The following C1orf35 variants were observed in gnomAD, a reference collection of about 807,000 sequenced individuals.
C1orf35 encodes the protein chromosome 1 open reading frame 35, also known as multiple myeloma tumor-associated protein 2.
In C1orf35, 36 loss-of-function variants were observed where a neutral mutation model predicts 30.9. The ratio of observed to expected loss-of-function variants is 1.16; its 90% confidence interval spans 0.89 to 1.54. C1orf35 has a LOEUF of 1.54. C1orf35 is among the 40% of genes most tolerant of loss of function. C1orf35 has a pLI of 0.00. For synonymous variants in C1orf35, 179 were observed against 148.2 expected (o/e 1.21, Z -1.51); for missense variants, 396 against 358.7 (o/e 1.10, Z -0.84).
rs763316938 is a variant in C1orf35 at position 228,100,970 on chromosome 1, GCTAGCTGT to G, written c.*153_*160del. On this transcript the variant is annotated 3_prime_UTR_variant, in exon 8 of 8. Transcript: ENST00000272139. ...TTTCCAGGAAGCCGGCTGCTCCAGA[GCTAGCTGT>G]CAAGTCTTTAGCCCCACAGGCTGGT... The G allele has an allele frequency of 1.9e-6, 2 of 1,079,464 alleles. No homozygotes were observed. The highest frequency in any genetic ancestry group is 2.6e-6 in the Non-Finnish European group (2 of 757,874). 66.9% of individuals were successfully genotyped at this position (1,079,464 alleles called of 1,614,324 possible). A position where few individuals can be genotyped will look rare whatever the true frequency, so the allele number is the denominator to read the frequency against.
At position 228,103,239 on chromosome 1, in the gene C1orf35, G is replaced by T; in HGVS notation, c.-12C>A. 6.2e-7 allele frequency: 1 copy of T among 1,608,750 alleles called. No homozygotes were observed. Among genetic ancestry groups the T allele is most frequent in the East Asian group, 2.2e-5 (1 of 44,538 alleles). On this transcript the variant is annotated 5_prime_UTR_variant, in exon 1 of 8. Coordinates refer to ENST00000272139, the MANE Select transcript of C1orf35 (RefSeq NM_024319.4). The stretch of plus-strand genomic sequence containing the variant: ...CTGGAGCCGAACATGGCGCCGGGAA[G>T]GCAGTTGCCTGGGGCCTGCGGCTTG...
chr1:228,101,054 G>T lies in C1orf35; in HGVS notation c.*77C>A, dbSNP rs1420096837. ...GCCTCGGGCTTCACCCACACCCAAG[G>T]AGCTTCCGAGGCAGGAGGCAAGCAA... On this transcript the variant is annotated 3_prime_UTR_variant, in exon 8 of 8. Transcript: ENST00000272139. 6 of 1,587,804 alleles carry T rather than the reference G, an allele frequency of 3.8e-6. No homozygotes were observed. The highest frequency in any genetic ancestry group is 5.1e-6 in the Non-Finnish European group (6 of 1,171,492).
In C1orf35 at chr1:228,101,072, G is replaced by A; in HGVS notation, c.*59C>T. ...ACCCAAGGAGCTTCCGAGGCAGGAG[G>A]CAAGCAAGGTGAAGGGAGGGTTCAG... On this transcript the variant is annotated 3_prime_UTR_variant, in exon 8 of 8. Transcript: ENST00000272139. 4 of 1,599,442 alleles carry A rather than the reference G, an allele frequency of 2.5e-6. No individual in the cohort carries two copies. Among genetic ancestry groups the A allele is most frequent in the Admixed American group, 1.7e-5 (1 of 59,876 alleles).
In C1orf35 at chr1:228,102,934, C is replaced by T. The variant is rs1179294913; in HGVS notation, c.210G>A (p.Val70=). 6.6e-7 allele frequency: 1 copy of T among 1,506,994 alleles called. No homozygotes were observed. The highest frequency in any genetic ancestry group is 1.4e-5 in the African/African-American group (1 of 69,158). 93.4% of individuals were successfully genotyped at this position (1,506,994 alleles called of 1,614,324 possible). The part of the protein sequence containing the change: ...GPSREEELAA[V]REAEREALLA... ...GCAGCGCCTCGCGCTCCGCCTCCCG[C>T]ACGGCTGCCAGTTCCTCCTCGCGGC... Residue 70 remains valine (V), a synonymous_variant, in exon 2 of 8, where the codon GTG becomes GTA. Coordinates refer to ENST00000272139, the MANE Select transcript of C1orf35 (RefSeq NM_024319.4).
chr1:228,101,995 T>C, intron 6 of C1orf35, 85 bp downstream of exon 6: 5 of 1,432,940 alleles, frequency 3.5e-6, no homozygotes, highest in Non-Finnish European at 4.6e-6. Context: ...CAAGAGAAGC[T>C]GCCACCTGCC....
chr1:228,101,645 G>C, intron 6 of C1orf35, 172 bp from the exon 7 acceptor site: 1 of 1,464,336 alleles, frequency 6.8e-7, no homozygotes, highest in Non-Finnish European at 9.0e-7. Context: ...CAGTGGCTAC[G>C]TGGGTTAGAA....
chr1:228,102,472 C>T lies in C1orf35; in HGVS notation c.374+6G>A. The T allele has an allele frequency of 6.4e-7, 1 of 1,560,398 alleles. No individual in the cohort carries two copies. The highest frequency in any genetic ancestry group is 1.9e-5 in the Admixed American group (1 of 52,940). ...GTGCTGCCCTCCCCTGGAAACCCGC[C>T]CGCACCTTGCGCTCCCCAGCCCCAG... On this transcript the variant is annotated splice_donor_region_variant and intron_variant, in intron 4 of 7. Transcript: ENST00000272139.
At chr1:228,101,283 C>G (rs376846512) in intron 7 of C1orf35, 29 bp from the exon 8 acceptor site, 1 of 1,614,096 alleles carries the variant, frequency 6.2e-7, no homozygotes, top group African/African-American at 1.3e-5. Context: ...GTCAGTCACT[C>G]GGAAGGAGTC....
At chr1:228,102,004 C>T in intron 6 of C1orf35, 76 bp downstream of exon 6, 1 of 1,437,838 alleles carries the variant, frequency 7.0e-7, no homozygotes, top group Non-Finnish European at 9.1e-7. Context: ...CTGCCACCTG[C>T]CCGAGTGGGA....
rs997002286 is a variant in C1orf35 at position 228,102,473 on chromosome 1, C to G, written c.374+5G>C. The stretch of plus-strand genomic sequence containing the variant: ...TGCTGCCCTCCCCTGGAAACCCGCC[C>G]GCACCTTGCGCTCCCCAGCCCCAGC... On this transcript the variant is annotated splice_donor_5th_base_variant and intron_variant, in intron 4 of 7. Coordinates refer to ENST00000272139, the MANE Select transcript of C1orf35 (RefSeq NM_024319.4). 6.4e-7 allele frequency: 1 copy of G among 1,559,780 alleles called. No homozygotes were observed. The highest frequency in any genetic ancestry group is 8.6e-7 in the Non-Finnish European group (1 of 1,156,524).
rs538677940 is a variant in C1orf35, at chr1:228,100,900, G to A, written c.*231C>T. 60 of 607,104 alleles carry A rather than the reference G, an allele frequency of 9.9e-5. No individual in the cohort carries two copies. Among genetic ancestry groups the A allele is most frequent in the Non-Finnish European group, 1.4e-4 (49 of 350,688 alleles). 37.6% of individuals were successfully genotyped at this position (607,104 alleles called of 1,614,324 possible). On this transcript the variant is annotated 3_prime_UTR_variant, in exon 8 of 8. Coordinates refer to ENST00000272139, the MANE Select transcript of C1orf35 (RefSeq NM_024319.4). ...GATAAATCTGGGCAGGTTCACCTTC[G>A]CAGGCCAAGCCAGGGGCCATCCCTG...
chr1:228,102,689 C>T lies in C1orf35; in HGVS notation c.246-1G>A, dbSNP rs1478530941. 2.5e-6 allele frequency: 4 copies of T among 1,606,508 alleles called. No individual in the cohort carries two copies. The Admixed American group carries it at 6.7e-5, about 27-fold the overall frequency. ...CTGCTTCTTCACGTTCTTGTAGCCA[C>T]TGCGAGAGGGCCGGGGCAGGCGTCA... is the stretch of plus-strand genomic sequence containing the variant. On this transcript the variant is annotated splice_acceptor_variant, in intron 2 of 7. Coordinates refer to ENST00000272139, the MANE Select transcript of C1orf35 (RefSeq NM_024319.4). LOFTEE classifies it high-confidence loss of function.
In C1orf35 at chr1:228,101,925, A is replaced by G. The variant is rs1420171774; in HGVS notation, c.533+155T>C. On this transcript the variant is annotated intron_variant, in intron 6 of 7. Transcript: ENST00000272139. ...ACCCGAGAAACTCCCCTAGAGAAAA[A>G]CCTAGGAGTAACTGGGACAGGAAGT... 2.1e-6 allele frequency: 3 copies of G among 1,423,464 alleles called. No individual in the cohort carries two copies. The African/African-American group carries it at 4.4e-5, about 21-fold the overall frequency. The allele number at this position is 1,423,464 out of a possible 1,614,324, so 88.2% of individuals were successfully genotyped here.
At position 228,103,016 on chromosome 1, in the gene C1orf35, TGCCAGCGGCCTACCGGC is replaced by T. The variant is rs777824097; in HGVS notation, c.111_127del (p.Pro38GlufsTer137). The T allele has an allele frequency of 8.9e-6, 14 of 1,581,058 alleles. No homozygotes were observed. The highest frequency in any genetic ancestry group is 1.2e-5 in the Non-Finnish European group (14 of 1,166,712). ...GTACCAGGTGAGGTCGCGGCCCTTC[TGCCAGCGGCCTACCGGC>T]GCCATCAGCGAGTTGCCTGCGGACG... is the stretch of plus-strand genomic sequence containing the variant. On this transcript the variant is annotated frameshift_variant, in exon 2 of 8. Transcript: ENST00000272139. LOFTEE classifies it high-confidence loss of function.
rs544295971 is a variant in C1orf35, at chr1:228,102,778, C to A, written c.246-90G>T. The A allele has an allele frequency of 2.4e-5, 36 of 1,469,490 alleles. 1 individual carries two copies. In the Middle Eastern group the frequency reaches 9.9e-4, roughly 40 times the overall value. The allele number at this position is 1,469,490 out of a possible 1,614,324, so 91.0% of individuals were successfully genotyped here. On this transcript the variant is annotated intron_variant, in intron 2 of 7. Transcript: ENST00000272139. ...TCCAGCCTTCGTCCTCAGGGTCCCG[C>A]CCGCGCGAGTCCCCGCAGCCCCGCT... is the stretch of plus-strand genomic sequence containing the variant.
chr1:228,100,895 C>A lies in C1orf35; in HGVS notation c.*236G>T. 1.7e-6 allele frequency: 1 copy of A among 597,262 alleles called. No individual in the cohort carries two copies. The highest frequency in any genetic ancestry group is 2.9e-6 in the Non-Finnish European group (1 of 342,244). The allele number at this position is 597,262 out of a possible 1,614,324, so 37.0% of individuals were successfully genotyped here. A position where few individuals can be genotyped will look rare whatever the true frequency, so the allele number is the denominator to read the frequency against. On this transcript the variant is annotated 3_prime_UTR_variant, in exon 8 of 8. Transcript: ENST00000272139. Reference sequence around the variant, plus strand: ...CTACTGATAAATCTGGGCAGGTTCACCTTCGCAGGCCAAGCCAGGGGCCAT... The same window carrying A: ...CTACTGATAAATCTGGGCAGGTTCAACTTCGCAGGCCAAGCCAGGGGCCAT...
Position 228,103,234 on chromosome 1 carries a change from G to T in C1orf35, c.-7C>A, listed in dbSNP as rs746615017. ...CACGACTGGAGCCGAACATGGCGCCGGGAAGGCAGTTGCCTGGGGCCTGCG... is the reference window on the plus strand; with the variant it reads ...CACGACTGGAGCCGAACATGGCGCCTGGAAGGCAGTTGCCTGGGGCCTGCG... On this transcript the variant is annotated 5_prime_UTR_variant, in exon 1 of 8. Transcript: ENST00000272139. The T allele has an allele frequency of 3.1e-6, 5 of 1,608,866 alleles. No individual in the cohort carries two copies. The highest frequency in any genetic ancestry group is 4.2e-6 in the Non-Finnish European group (5 of 1,178,618).
rs2032940636 is a variant in C1orf35 at position 228,101,353 on chromosome 1, G to A, written c.654C>T (p.Pro218=). 2 of 1,614,132 alleles carry A rather than the reference G, an allele frequency of 1.2e-6. No homozygotes were observed. The highest frequency in any genetic ancestry group is 1.1e-5 in the South Asian group (1 of 91,084). ...HRRPAEATSS[P]TSPERPRHHH... ...CCAGGGCATACCTCTCAGGAGATGT[G>A]GGAGAGGAGGTGGCCTCAGCTGGCC... Residue 218 remains proline, a synonymous_variant, in exon 7 of 8, where the codon CCC becomes CCT. Coordinates refer to ENST00000272139, the MANE Select transcript of C1orf35 (RefSeq NM_024319.4).
rs1395872439 is a variant in C1orf35, at chr1:228,101,737, G to C, written c.534-264C>G. ...TTGGCAGGTTGACACCTTCCTACCT[G>C]CACCCACCAGGCCACTCTTAGGGTC... On this transcript the variant is annotated intron_variant, in intron 6 of 7. Transcript: ENST00000272139. 2.1e-6 allele frequency: 3 copies of C among 1,413,684 alleles called. No individual in the cohort carries two copies. In the African/African-American group the frequency reaches 4.3e-5, roughly 20 times the overall value. The allele number at this position is 1,413,684 out of a possible 1,614,324, so 87.6% of individuals were successfully genotyped here.
Sources: gnomAD v4.1 joint callset for allele counts on GRCh38, gnomAD v4.1.1 for gene constraint, MANE v1.5 for transcripts, NCBI Gene and HGNC (gene_info 2026-07-23, HGNC 2026-07-21) for gene names.